The following RTKN2 variants were observed in gnomAD, a reference collection of about 807,000 sequenced individuals.
RTKN2 encodes rhotekin-2.
RTKN2 carries 69 observed loss-of-function variants against 71.5 expected under a neutral mutation model. The observed-to-expected ratio is 0.96, with a 90% confidence interval of 0.79 to 1.18. The LOEUF (loss-of-function observed/expected upper bound fraction) is 1.18. RTKN2 is among the 50% of genes most tolerant of loss of function. RTKN2 has a pLI of 0.00. For missense variants in RTKN2, 724 were observed against 719.7 expected, an observed-to-expected ratio of 1.01 and a Z score of -0.07; for synonymous variants, 236 against 236.5, an observed-to-expected ratio of 1.00 and a Z score of 0.02.
At chr10:62,234,202 G>T (rs963194025) in intron 6 of RTKN2, among the ~76,000 whole-genome samples, 2 of 152,034 alleles carry the variant, frequency 1.3e-5, no homozygotes, top group African/African-American at 4.8e-5. Context: ...GGGCATCAAA[G>T]AGAATGGCAG....
intron 2 of RTKN2, among the ~76,000 whole-genome samples, chr10:62,257,566 T>C (rs1842698104): frequency 6.6e-6 from 1 of 152,120 alleles, no homozygotes; most frequent in Non-Finnish European, 1.5e-5. Context: ...CCAAGAACTA[T>C]TTTCGGGATA....
chr10:62,243,766 C>A (rs1842426500), intron 3 of RTKN2, among the ~76,000 whole-genome samples: 1 of 152,082 alleles, frequency 6.6e-6, no homozygotes, highest in South Asian at 2.1e-4. Flanking sequence ...TAACTTTTGT[C>A]TTGTTTTATG....
downstream of RTKN2, among the ~76,000 whole-genome samples, chr10:62,192,032 C>T (rs1841230505): frequency 6.7e-6 from 1 of 148,964 alleles, no homozygotes; most frequent in African/African-American, 2.5e-5. Context: ...TTAATAAACA[C>T]AACTATATTA....
At position 62,196,732 on chromosome 10, in the gene RTKN2, T is replaced by C; in HGVS notation, c.*1176A>G. On this transcript the variant is annotated 3_prime_UTR_variant, in exon 12 of 12. Coordinates refer to ENST00000373789, the MANE Select transcript of RTKN2 (RefSeq NM_145307.4). ...TTTTAGTGCTGTTGCTGACACCTTA[T>C]GGAAACTGTTTTATTTGGAAATTCT... 8 of 982,964 alleles carry C rather than the reference T, an allele frequency of 8.1e-6. No individual in the cohort carries two copies. Among genetic ancestry groups the C allele is most frequent in the Non-Finnish European group, 9.7e-6 (8 of 827,696 alleles). 60.9% of individuals were successfully genotyped at this position (982,964 alleles called of 1,614,324 possible).
chr10:62,203,741 C>T (rs1841494064), intron 10 of RTKN2, among the ~76,000 whole-genome samples: 1 of 152,140 alleles, frequency 6.6e-6, no homozygotes, highest in East Asian at 1.9e-4. Flanking sequence ...TTAAGGAAAA[C>T]AAGTCCTAAA....
chr10:62,247,234 T>A (rs1048000871), intron 2 of RTKN2, among the ~76,000 whole-genome samples: 1 of 151,982 alleles, frequency 6.6e-6, no homozygotes, highest in Non-Finnish European at 1.5e-5. Context: ...ACTGCCAATA[T>A]ATTCATTATA....
At chr10:62,185,398 A>C (rs1469871491) in intron 8 of RTKN2, among the ~76,000 whole-genome samples, 2 of 152,100 alleles carry the variant, frequency 1.3e-5, no homozygotes, top group Non-Finnish European at 2.9e-5. Context: ...TGGGCAGATC[A>C]TGAGGTCAGG....
Position 62,197,845 on chromosome 10 carries a change from A to T in RTKN2, c.*63T>A. ...CCTATATAATTACACATTATTCTAT[A>T]ATGCCTCTGAATTAAGCTTCACAGT... On this transcript the variant is annotated 3_prime_UTR_variant, in exon 12 of 12. Coordinates refer to ENST00000373789, the MANE Select transcript of RTKN2 (RefSeq NM_145307.4). The T allele has an allele frequency of 6.6e-7, 1 of 1,506,934 alleles. No homozygotes were observed. Among genetic ancestry groups the T allele is most frequent in the Non-Finnish European group, 8.9e-7 (1 of 1,127,766 alleles). 93.3% of individuals were successfully genotyped at this position (1,506,934 alleles called of 1,614,324 possible).
chr10:62,244,989 T>C (rs1356536555), intron 3 of RTKN2, among the ~76,000 whole-genome samples: 2 of 152,328 alleles, frequency 1.3e-5, no homozygotes, highest in South Asian at 2.1e-4. Context: ...ACAAGACTTT[T>C]AGCCAATAAC....
chr10:62,249,401 T>C (rs1164985201), intron 2 of RTKN2, among the ~76,000 whole-genome samples: 1 of 114,944 alleles, frequency 8.7e-6, no homozygotes, highest in Non-Finnish European at 1.7e-5. Context: ...GTGGGGGCAG[T>C]GGGAAGGGCA....
intron 3 of RTKN2, among the ~76,000 whole-genome samples, chr10:62,242,790 C>T (rs750986862): frequency 6.6e-5 from 10 of 151,736 alleles, no homozygotes; most frequent in Admixed American, 2.0e-4. Context: ...CCACCACACC[C>T]GGCTAATTTT....
downstream of RTKN2, among the ~76,000 whole-genome samples, chr10:62,191,510 TTACTC>T (rs1692777559): frequency 6.6e-6 from 1 of 152,218 alleles, no homozygotes; most frequent in African/African-American, 2.4e-5. Context: ...GTAATACTGA[TTACTC>T]TTTCATACTG....
At chr10:62,222,537 A>G (rs1329434986) in intron 7 of RTKN2, among the ~76,000 whole-genome samples, 1 of 152,208 alleles carries the variant, frequency 6.6e-6, no homozygotes, top group East Asian at 1.9e-4. Flanking sequence ...CAGAGCCACA[A>G]TCCTTACAAC....
At chr10:62,199,267 A>T (rs1049143387) in intron 11 of RTKN2, among the ~76,000 whole-genome samples, 1 of 152,222 alleles carries the variant, frequency 6.6e-6, no homozygotes, top group African/African-American at 2.4e-5. Context: ...GGGAAATTGA[A>T]TATTAGTGGG....
rs1276740575 is a variant in RTKN2, at chr10:62,196,955, A to C, written c.*953T>G. The C allele has an allele frequency of 1.0e-6, 1 of 978,868 alleles. No individual in the cohort carries two copies. The highest frequency in any genetic ancestry group is 1.2e-6 in the Non-Finnish European group (1 of 824,252). The allele number at this position is 978,868 out of a possible 1,614,324, so 60.6% of individuals were successfully genotyped here. On this transcript the variant is annotated 3_prime_UTR_variant, in exon 12 of 12. Coordinates refer to ENST00000373789, the MANE Select transcript of RTKN2 (RefSeq NM_145307.4). Reference sequence around the variant, plus strand: ...CCAATGTCACTGTTGTAAGAATATGACATTTAATGAAAAATACCACTAGCA... The same window carrying C: ...CCAATGTCACTGTTGTAAGAATATGCCATTTAATGAAAAATACCACTAGCA...
At position 62,259,282 on chromosome 10, in the gene RTKN2, T is replaced by C. The variant is rs201715908; in HGVS notation, c.257+3343A>G. 1.1e-3 allele frequency: 316 copies of C among 290,972 alleles called. 1 individual carries two copies. The highest frequency in any genetic ancestry group is 9.0e-3 in the African/African-American group (301 of 33,464). The allele number at this position is 290,972 out of a possible 1,614,324, so 18.0% of individuals were successfully genotyped here. On this transcript the variant is annotated intron_variant, in intron 2 of 11. Coordinates refer to ENST00000373789, the MANE Select transcript of RTKN2 (RefSeq NM_145307.4). ...GCATTAAACCTCTTTTTCTTAATAC[T>C]CAGTCTCGGGTATATCTGTATTAAC...
At chr10:62,184,625 A>G (rs80139340) in intron 8 of RTKN2, among the ~76,000 whole-genome samples, 2 of 152,256 alleles carry the variant, frequency 1.3e-5, no homozygotes, top group East Asian at 3.8e-4. Flanking sequence ...CTGGATATTC[A>G]TGAATATGAT....
chr10:62,263,582 T>C (rs1842816501), intron 1 of RTKN2, among the ~76,000 whole-genome samples: 1 of 152,192 alleles, frequency 6.6e-6, no homozygotes, highest in Non-Finnish European at 1.5e-5. Context: ...GCAGTGTGGT[T>C]GATGACAGTG....
At chr10:62,261,840 A>AAG (rs1842779987) in intron 2 of RTKN2, among the ~76,000 whole-genome samples, 4 of 152,138 alleles carry the variant, frequency 2.6e-5, no homozygotes, top group African/African-American at 9.7e-5. Flanking sequence ...CCCAACAGTC[A>AAG]CTATTGTCTA....
Sources: allele counts gnomAD v4.1 joint callset (sites outside exome capture counted in the v4.1 genomes callset), GRCh38; gene constraint gnomAD v4.1.1; transcripts MANE v1.5; gene names NCBI Gene and HGNC (gene_info 2026-07-23, HGNC 2026-07-21).